RHBDD1: variants seen among roughly 807,000 people sequenced by gnomAD.
RHBDD1 encodes the protein rhomboid domain containing 1.
RHBDD1 carries 38 observed loss-of-function variants against 36.3 expected under a neutral mutation model. The observed-to-expected ratio is 1.05, with a 90% CI of 0.81 to 1.37. RHBDD1 has a LOEUF of 1.37. Ranked by LOEUF, RHBDD1 falls within the 40% of genes most tolerant of loss-of-function variation. RHBDD1 has a pLI of 0.00. For missense variants in RHBDD1, 393 were observed against 377.6 expected (o/e 1.04, Z -0.34); for synonymous variants, 151 against 136.5 (o/e 1.11, Z -0.74).
chr2:226,880,389 G>A (rs531283916), intron 5 of RHBDD1, among the ~76,000 whole-genome samples: 6 of 152,296 alleles, frequency 3.9e-5, no homozygotes, highest in African/African-American at 1.4e-4. Flanking sequence ...ATAAGAAAGA[G>A]TTAATTTGTC....
At chr2:226,803,087 C>T in the RHBDD1 span, among the ~76,000 whole-genome samples, 225 of 152,260 alleles carry the variant, frequency 1.5e-3, 1 homozygote, top group African/African-American at 5.0e-3. Flanking sequence ...TAAATACTGG[C>T]GTCTCTTAGA....
intron 3 of RHBDD1, among the ~76,000 whole-genome samples, 165 bp downstream of exon 3, chr2:226,839,792 A>G (rs1941410117): frequency 6.6e-6 from 1 of 151,900 alleles, no homozygotes; most frequent in Non-Finnish European, 1.5e-5. Flanking sequence ...TTTTTGAGGA[A>G]TTAGCTTTTT....
intron 8 of RHBDD1, among the ~76,000 whole-genome samples, chr2:226,929,471 C>G (rs373108764): frequency 9.2e-5 from 14 of 151,970 alleles, no homozygotes; most frequent in African/African-American, 2.9e-4. Context: ...TAAAAAATGT[C>G]AACAAACTAG....
At chr2:226,852,578 T>C (rs1942915289) in intron 3 of RHBDD1, among the ~76,000 whole-genome samples, 1 of 151,958 alleles carries the variant, frequency 6.6e-6, no homozygotes, top group South Asian at 2.1e-4. Flanking sequence ...ACCCAACCAT[T>C]CTTGTACCCT....
chr2:226,971,045 TTAATTAAA>T (rs1178962284), intron 8 of RHBDD1, among the ~76,000 whole-genome samples: 4 of 152,346 alleles, frequency 2.6e-5, no homozygotes, highest in African/African-American at 7.2e-5. Context: ...TCGTAGACAC[TTAATTAAA>T]TGTTTACTAC....
intron 3 of RHBDD1, among the ~76,000 whole-genome samples, chr2:226,842,107 G>A (rs1941703366): frequency 6.6e-6 from 1 of 152,114 alleles, no homozygotes; most frequent in African/African-American, 2.4e-5. Context: ...TTTGAGAAGT[G>A]TCTGTTCATG....
At chr2:226,914,732 C>T (rs956679768) in intron 8 of RHBDD1, 2 of 154,316 alleles carry the variant, frequency 1.3e-5, no homozygotes, top group African/African-American at 4.8e-5. Context: ...CCATAAACCT[C>T]CGACAAATCT....
At chr2:226,916,339 C>G (rs933009685) in intron 8 of RHBDD1, among the ~76,000 whole-genome samples, 1 of 152,122 alleles carries the variant, frequency 6.6e-6, no homozygotes, top group African/African-American at 2.4e-5. Flanking sequence ...CACAGTCATT[C>G]AAAAGCATGC....
chr2:226,860,442 T>C (rs1943744685), intron 3 of RHBDD1, among the ~76,000 whole-genome samples: 1 of 152,256 alleles, frequency 6.6e-6, no homozygotes, highest in East Asian at 1.9e-4. Flanking sequence ...TAAAAATTTC[T>C]ATGTATTTGA....
At chr2:226,908,009 C>T (rs1575054179) in intron 6 of RHBDD1, among the ~76,000 whole-genome samples, 1 of 152,040 alleles carries the variant, frequency 6.6e-6, no homozygotes, top group Non-Finnish European at 1.5e-5. Flanking sequence ...GAAATTTAAG[C>T]AAGTGCTTTG....
upstream of RHBDD1, among the ~76,000 whole-genome samples, chr2:226,833,522 T>C (rs1214408424): frequency 6.6e-6 from 1 of 152,218 alleles, no homozygotes; most frequent in Non-Finnish European, 1.5e-5. Flanking sequence ...CTCATTTAAG[T>C]CGGGTGGCTT....
intron 8 of RHBDD1, among the ~76,000 whole-genome samples, chr2:226,921,949 A>G (rs1323409620): frequency 6.6e-6 from 1 of 152,088 alleles, no homozygotes; most frequent in Admixed American, 6.6e-5. Flanking sequence ...GTCTGCAGCT[A>G]TTATTGTATT....
the RHBDD1 span, among the ~76,000 whole-genome samples, chr2:226,801,698 G>A: frequency 6.6e-6 from 1 of 152,208 alleles, no homozygotes; most frequent in Non-Finnish European, 1.5e-5. Context: ...TGGAAGCGAG[G>A]CGGCACTCAC....
the RHBDD1 span, among the ~76,000 whole-genome samples, chr2:226,828,778 A>G: frequency 6.6e-6 from 1 of 152,216 alleles, no homozygotes; most frequent in Non-Finnish European, 1.5e-5. Context: ...TGGTAAGAGT[A>G]ATCTAAATAT....
chr2:226,847,635 T>G lies in RHBDD1; in HGVS notation c.-91+8008T>G, dbSNP rs142201229. On this transcript the variant is annotated intron_variant, in intron 3 of 8. Coordinates refer to ENST00000392062, the MANE Select transcript of RHBDD1 (RefSeq NM_001167608.3). The stretch of plus-strand genomic sequence containing the variant: ...GAGATTTTGCATGAGAAACATTGTC[T>G]GAATGGTGCTTCACAACAATATGAA... Among the ~76,000 whole-genome samples the G allele has an allele frequency of 7.3e-4, 111 of 152,350 alleles. 1 individual carries two copies. The highest frequency in any genetic ancestry group is 2.5e-3 in the African/African-American group (103 of 41,584).
chr2:226,804,965 T>C, the RHBDD1 span: 1 of 152,446 alleles, frequency 6.6e-6, no homozygotes, highest in African/African-American at 2.4e-5. Context: ...AAGTTTGCAG[T>C]GAGCTATGAT....
At chr2:226,990,795 T>C (rs1958015430) in intron 8 of RHBDD1, among the ~76,000 whole-genome samples, 1 of 152,212 alleles carries the variant, frequency 6.6e-6, no homozygotes, top group South Asian at 2.1e-4. Flanking sequence ...CTGAGGTTCT[T>C]TGAAGCATGC....
chr2:226,832,170 T>G (rs1232508762), upstream of RHBDD1, among the ~76,000 whole-genome samples: 1 of 152,216 alleles, frequency 6.6e-6, no homozygotes, highest in Non-Finnish European at 1.5e-5. Context: ...CTGTTTTAGC[T>G]GCAGTGCATG....
chr2:226,989,195 A>G (rs1313075217), intron 8 of RHBDD1, among the ~76,000 whole-genome samples: 2 of 152,242 alleles, frequency 1.3e-5, no homozygotes, highest in Non-Finnish European at 2.9e-5. Context: ...TGTAAAATAG[A>G]CAAAGAAATT....
Sources: gnomAD v4.1 joint callset for allele counts (sites outside exome capture counted in the v4.1 genomes callset) on GRCh38, gnomAD v4.1.1 for gene constraint, MANE v1.5 for transcripts, NCBI Gene and HGNC (gene_info 2026-07-23, HGNC 2026-07-21) for gene names.